Variants in STK36 observed in about 807,000 individuals in gnomAD.
STK36 encodes the protein serine/threonine kinase 36.
STK36 carries 116 observed loss-of-function variants against 142.2 expected under a neutral mutation model. That is an observed-to-expected ratio of 0.82 (90% CI 0.70 to 0.95). The LOEUF (loss-of-function observed/expected upper bound fraction) is 0.95. Ranked by LOEUF, STK36 falls within the 40% of genes least tolerant of loss-of-function variation. The pLI is 0.00. For missense variants in STK36, 1,422 were observed against 1,617.2 expected (o/e 0.88, Z 2.07); for synonymous variants, 619 against 641.7 (o/e 0.96, Z 0.53).
intron 10 of STK36, 45 bp downstream of exon 10, chr2:218,680,747 G>A: frequency 6.5e-7 from 1 of 1,537,138 alleles, no homozygotes; most frequent in Non-Finnish European, 8.9e-7. Context: ...TTCATGGGAT[G>A]TTAAGTCTAG....
chr2:218,698,560 ACTCT>A, intron 25 of STK36, 38 bp from the exon 26 acceptor site: 1 of 1,587,338 alleles, frequency 6.3e-7, no homozygotes, highest in South Asian at 1.2e-5. Context: ...AGCTGCATAT[ACTCT>A]CTCTCTCCCT....
chr2:218,694,274 C>T lies in STK36; in HGVS notation c.2347C>T (p.Leu783=), dbSNP rs142440976. The change falls in exon 20 of 27, where the codon CTA becomes TTA. Residue 783 remains leucine, a synonymous_variant. Transcript: ENST00000295709. The surrounding 1 kb of genome is among the most constrained non-coding windows in gnomAD (Gnocchi z 4.4). ...LQNLPCGMEK[L]GSDVATLFTH... ...ATCTCTTTATTCCAGAATGGAGAAG[C>T]TAGGCAGTGACGTTGCTACTCTCTT... The T allele has an allele frequency of 2.3e-5, 37 of 1,613,910 alleles. No individual in the cohort carries two copies. Among genetic ancestry groups the T allele is most frequent in the Non-Finnish European group, 3.1e-5 (37 of 1,179,790 alleles).
Position 218,688,896 on chromosome 2 carries a change from C to A in STK36, c.1560+20C>A. The A allele has an allele frequency of 6.4e-7, 1 of 1,572,028 alleles. No individual in the cohort carries two copies. On this transcript the variant is annotated intron_variant, in intron 12 of 26. Transcript: ENST00000295709. ...CAGCAGGTAAGCACCAGGCCAGAAG[C>A]CTCTGAAGACTTACAGAGGTTCTTT...
chr2:218,699,389 C>T, intron 26 of STK36, 41 bp downstream of exon 26: 1 of 1,577,694 alleles, frequency 6.3e-7, no homozygotes. Flanking sequence ...GATCAGGGCC[C>T]CTATAGTTGA....
intron 24 of STK36, 87 bp from the exon 25 acceptor site, chr2:218,697,767 A>T: frequency 1.2e-6 from 2 of 1,600,666 alleles, no homozygotes; most frequent in Non-Finnish European, 1.7e-6. Context: ...GTAGAAGGGG[A>T]GTTGGGCAAA....
intron 14 of STK36, among the ~76,000 whole-genome samples, chr2:218,691,695 A>G (rs1323078831): frequency 6.6e-6 from 1 of 151,992 alleles, no homozygotes; most frequent in East Asian, 1.9e-4. Flanking sequence ...AGCTGAGACT[A>G]TGGGTGCACA....
rs576978580 is a variant in STK36, at chr2:218,688,525, G to A, written c.1381-172G>A. 2.9e-3 allele frequency: 2,195 copies of A among 757,962 alleles called. 7 individuals carry two copies. The highest frequency in any genetic ancestry group is 4.0e-3 in the Non-Finnish European group (1,823 of 458,484). The allele number at this position is 757,962 out of a possible 1,614,324, so 47.0% of individuals were successfully genotyped here. On this transcript the variant is annotated intron_variant, in intron 11 of 26. Transcript: ENST00000295709. ...TGACCATCTATTGTCTTCTTCCCTG[G>A]TACAGTTCCCCTATTTCCCTGCTTT...
intron 11 of STK36, 36 bp from the exon 12 acceptor site, chr2:218,688,661 A>G: frequency 6.3e-7 from 1 of 1,594,930 alleles, no homozygotes; most frequent in Non-Finnish European, 8.5e-7. Flanking sequence ...ACCTCTGAAA[A>G]TATCAATCGT....
chr2:218,693,679 G>A (rs757449316), intron 17 of STK36, 44 bp from the exon 18 acceptor site: 31 of 1,570,864 alleles, frequency 2.0e-5, no homozygotes, highest in Admixed American at 7.1e-5. Context: ...TTGGAGCCCG[G>A]GGCCTGCCCT....
intron 15 of STK36, 138 bp downstream of exon 15, chr2:218,692,431 A>G (rs910142391): frequency 2.0e-6 from 3 of 1,486,862 alleles, no homozygotes; most frequent in Non-Finnish European, 2.7e-6. Flanking sequence ...GAGAGAATGA[A>G]TGGGGATCTG....
intron 26 of STK36, among the ~76,000 whole-genome samples, chr2:218,701,004 T>A (rs1229851726): frequency 3.4e-5 from 5 of 146,256 alleles, no homozygotes; most frequent in African/African-American, 1.3e-4. Flanking sequence ...ATAGCGAGAC[T>A]CTGTCTCAAA....
intron 2 of STK36, 127 bp from the exon 3 acceptor site, chr2:218,673,498 A>G (rs1236115646): frequency 4.6e-6 from 6 of 1,307,310 alleles, no homozygotes; most frequent in African/African-American, 1.5e-5. Context: ...GCGGGAGACT[A>G]ACAGAAATAA....
intron 25 of STK36, 122 bp from the exon 26 acceptor site, chr2:218,698,480 C>T (rs1941317491): frequency 7.9e-7 from 1 of 1,268,480 alleles, no homozygotes; most frequent in Non-Finnish European, 1.1e-6. Context: ...TGGGGCAGGA[C>T]TTCCAGCTCT....
intron 11 of STK36, among the ~76,000 whole-genome samples, chr2:218,686,433 A>AT (rs994199617): frequency 6.6e-6 from 1 of 151,438 alleles, no homozygotes; most frequent in Non-Finnish European, 1.5e-5. Context: ...AATTTTTTGT[A>AT]TTTTTTGTAG....
chr2:218,695,274 G>T (rs1941183948), intron 21 of STK36, among the ~76,000 whole-genome samples: 1 of 137,562 alleles, frequency 7.3e-6, no homozygotes. Context: ...TGTCCAGGCT[G>T]GAGTGCCATG....
At chr2:218,691,532 C>T (rs1940997300) in intron 14 of STK36, among the ~76,000 whole-genome samples, 1 of 151,982 alleles carries the variant, frequency 6.6e-6, no homozygotes, top group African/African-American at 2.4e-5. Flanking sequence ...TGGGAGGGAC[C>T]CAGGAATCCC....
In STK36 at chr2:218,672,874, T is replaced by G; in HGVS notation, c.45T>G (p.Phe15Leu). The G allele has an allele frequency of 6.2e-7, 1 of 1,614,128 alleles. No homozygotes were observed. The highest frequency in any genetic ancestry group is 8.5e-7 in the Non-Finnish European group (1 of 1,179,984). Residue 15 changes from phenylalanine (F) to leucine (L), a missense_variant, in exon 2 of 27, where the codon TTT (phenylalanine) becomes TTG (leucine). Phe to Leu is a conservative substitution (Grantham distance 22). Transcript: ENST00000295709. ...HVLEMIGEGS[F>L]GRVYKGRRKY... Reference sequence around the variant, plus strand: ...TGGAGATGATTGGAGAAGGCTCTTTTGGGAGGGTGTACAAGGGTCGAAGAA... The same window carrying G: ...TGGAGATGATTGGAGAAGGCTCTTTGGGGAGGGTGTACAAGGGTCGAAGAA...
intron 12 of STK36, 100 bp from the exon 13 acceptor site, chr2:218,689,759 T>C: frequency 9.5e-7 from 1 of 1,052,486 alleles, no homozygotes; most frequent in Non-Finnish European, 1.4e-6. Context: ...TTCTGTTTGA[T>C]CAACTTGACT....
intron 10 of STK36, among the ~76,000 whole-genome samples, chr2:218,683,677 A>C (rs1940638961): frequency 6.6e-6 from 1 of 152,112 alleles, no homozygotes; most frequent in South Asian, 2.1e-4. Flanking sequence ...GCTGGTGCGC[A>C]GCACCCACTA....
Sources: gnomAD v4.1 joint callset for allele counts (sites outside exome capture counted in the v4.1 genomes callset) on GRCh38, gnomAD v4.1.1 for gene constraint, Gnocchi (gnomAD v3.1) non-coding constraint, MANE v1.5 for transcripts, NCBI Gene and HGNC (gene_info 2026-07-23, HGNC 2026-07-21) for gene names.